Variants in PLA2R1 observed in about 807,000 individuals in gnomAD.
PLA2R1 encodes secretory phospholipase A2 receptor.
Under a neutral mutation model 195.9 loss-of-function variants are expected in PLA2R1, and 158 were observed. The ratio of observed to expected loss-of-function variants is 0.81; its 90% CI spans 0.71 to 0.92. PLA2R1 has a LOEUF of 0.92. Ranked by LOEUF, PLA2R1 falls within the 40% of genes least tolerant of loss-of-function variation. PLA2R1 has a pLI of 0.00. For missense variants in PLA2R1, 1,626 were observed against 1,764.6 expected, an observed-to-expected ratio of 0.92 and a Z score of 1.41; for synonymous variants, 586 against 598.2, an observed-to-expected ratio of 0.98 and a Z score of 0.30.
chr2:160,050,420 A>G (rs10929965), intron 1 of PLA2R1, among the ~76,000 whole-genome samples: 45,965 of 152,116 alleles, frequency 0.3, 8,740 homozygotes, highest in Non-Finnish European at 0.42. Flanking sequence ...TGTAAAGATT[A>G]TTTAACTGAA....
In PLA2R1 at chr2:160,005,607, G is replaced by C. The variant is rs73967981; in HGVS notation, c.1834+45C>G. The C allele has an allele frequency of 6.8e-3, 10,592 of 1,561,244 alleles. 394 individuals are homozygous for C. The African/African-American group carries it at 0.1, about 15-fold the overall frequency. On this transcript the variant is annotated intron_variant, in intron 11 of 29. Transcript: ENST00000283243. ...GGCCAAGGGGTGGAAGGAATTTGGA[G>C]TAAAGAAAACAGGGAGGGTTGGTGA...
chr2:160,062,378 AG>A lies in PLA2R1; in HGVS notation c.25del (p.Leu9CysfsTer51). The A allele has an allele frequency of 6.5e-7, 1 of 1,540,258 alleles. No individual in the cohort carries two copies. Among genetic ancestry groups the A allele is most frequent in the Non-Finnish European group, 8.8e-7 (1 of 1,142,762 alleles). On this transcript the variant is annotated frameshift_variant, in exon 1 of 30. Coordinates refer to ENST00000283243, the MANE Select transcript of PLA2R1 (RefSeq NM_007366.5). LOFTEE classifies it high-confidence loss of function. Reference sequence around the variant, plus strand: ...CCGCGGCGCCCCCAGCAGCAGCAGCAGCAGCAGCGACGGCGACAGCAGCATC... The same window carrying A: ...CCGCGGCGCCCCCAGCAGCAGCAGCACAGCAGCGACGGCGACAGCAGCATC... The part of the protein sequence containing the change: MLLSPSLL[L>X]LLLLGAPRGC...
chr2:159,951,440 G>A lies in PLA2R1; in HGVS notation c.3440C>T (p.Ala1147Val). The change falls in exon 24 of 30, where the codon GCA (alanine) becomes GTA (valine). Residue 1147 changes from alanine (A) to valine (V), a missense_variant. By Grantham distance (64) the Ala-to-Val change is moderately conservative (BLOSUM62 0). Coordinates refer to ENST00000283243, the MANE Select transcript of PLA2R1 (RefSeq NM_007366.5). ...AAIKTCLMHK[A>V]QLVSITDQYH... ...CTGGTCTGTGATGCTGACCAGTTGTGCTTTGTGCATCAGGCAGGTTTTTAT... is the reference window on the plus strand; with the variant it reads ...CTGGTCTGTGATGCTGACCAGTTGTACTTTGTGCATCAGGCAGGTTTTTAT... The A allele has an allele frequency of 6.2e-7, 1 of 1,613,510 alleles. No individual in the cohort carries two copies.
At chr2:159,994,593 C>T (rs1234659124) in intron 11 of PLA2R1, among the ~76,000 whole-genome samples, 15 of 151,698 alleles carry the variant, frequency 9.9e-5, no homozygotes, top group Non-Finnish European at 2.2e-4. Context: ...GGAAATAATG[C>T]TGAAATGTTT....
At chr2:160,003,495 T>C (rs1048103089) in intron 11 of PLA2R1, among the ~76,000 whole-genome samples, 12 of 151,928 alleles carry the variant, frequency 7.9e-5, no homozygotes, top group African/African-American at 2.9e-4. Flanking sequence ...TCAAATTATG[T>C]GACCATGTAG....
rs986365099 is a variant in PLA2R1 at position 159,987,332 on chromosome 2, G to A, written c.1861C>T (p.Arg621Ter). The A allele has an allele frequency of 1.1e-5, 17 of 1,611,446 alleles. No individual in the cohort carries two copies. The highest frequency in any genetic ancestry group is 2.2e-5 in the East Asian group (1 of 44,786). ...CAGCGACCAAGTGGATGCCTTCCTC[G>A]CATGGCAACACAGCCACCACTGTAG... ...PRYSGGCVAM[R>*]GRHPLGRWEV... Residue 621 changes from arginine to a stop codon, truncating the protein, a stop_gained, in exon 12 of 30, where the codon CGA (arginine) becomes TGA (stop). Coordinates refer to ENST00000283243, the MANE Select transcript of PLA2R1 (RefSeq NM_007366.5). LOFTEE classifies it high-confidence loss of function.
rs114284559 is a variant in PLA2R1 at position 160,057,327 on chromosome 2, G to C, written c.109+4968C>G. On this transcript the variant is annotated intron_variant, in intron 1 of 29. Transcript: ENST00000283243. Reference sequence around the variant, plus strand: ...TCCCAGGAGGCCTGGCTGCCCTGAAGAACCTGTCCTGGGTCCCCCTTGAGA... The same window carrying C: ...TCCCAGGAGGCCTGGCTGCCCTGAACAACCTGTCCTGGGTCCCCCTTGAGA... Among the ~76,000 whole-genome samples the C allele has an allele frequency of 4.6e-3, 697 of 152,232 alleles. 4 individuals are homozygous for C. The highest frequency in any genetic ancestry group is 7.5e-3 in the Non-Finnish European group (507 of 68,018).
chr2:159,989,881 A>G (rs1228192144), intron 11 of PLA2R1, among the ~76,000 whole-genome samples: 1 of 152,182 alleles, frequency 6.6e-6, no homozygotes, highest in African/African-American at 2.4e-5. Flanking sequence ...ACTTTCCCAC[A>G]CCAGACAATG....
downstream of PLA2R1, among the ~76,000 whole-genome samples, chr2:159,927,852 G>A (rs1686523610): frequency 6.6e-6 from 1 of 152,176 alleles, no homozygotes; most frequent in African/African-American, 2.4e-5. Context: ...TGGGAATCAT[G>A]AGATTAGTTC....
chr2:160,032,864 GA>G (rs1693942754), intron 4 of PLA2R1, 94 bp downstream of exon 4: 1 of 1,013,754 alleles, frequency 9.9e-7, no homozygotes, highest in Non-Finnish European at 1.5e-6. Context: ...TATTTTTTAA[GA>G]ACTTTTTGTC....
At chr2:159,946,481 T>C in intron 27 of PLA2R1, 4 of 1,021,710 alleles carry the variant, frequency 3.9e-6, no homozygotes, top group Non-Finnish European at 4.7e-6. Flanking sequence ...AAACCTGGGA[T>C]ATTTTCCAGT....
rs143070879 is a variant in PLA2R1, at chr2:160,052,014, C to T, written c.110-6857G>A. ...CTGTCTCAGAACTTTCTTCTCTTTC[C>T]CTGTCCTAGCATTGTCCTTAACTCT... On this transcript the variant is annotated intron_variant, in intron 1 of 29. Transcript: ENST00000283243. Among the ~76,000 whole-genome samples, 11 of 152,308 alleles carry T rather than the reference C, an allele frequency of 7.2e-5. No homozygotes were observed. The East Asian group carries it at 2.1e-3, about 29-fold the overall frequency.
intron 19 of PLA2R1, among the ~76,000 whole-genome samples, chr2:159,968,171 C>T (rs1688910412): frequency 1.3e-5 from 2 of 150,962 alleles, no homozygotes; most frequent in African/African-American, 4.9e-5. Context: ...ACCAGACTCA[C>T]ATATAGACAT....
chr2:160,004,841 A>C (rs1455798050), intron 11 of PLA2R1, among the ~76,000 whole-genome samples: 3 of 152,176 alleles, frequency 2.0e-5, no homozygotes, highest in Non-Finnish European at 4.4e-5. Flanking sequence ...GCACAGTTTC[A>C]TGCCTTGGGA....
chr2:159,946,493 A>C, intron 27 of PLA2R1: 1 of 1,032,714 alleles, frequency 9.7e-7, no homozygotes, highest in Non-Finnish European at 1.2e-6. Context: ...TTTTCCAGTA[A>C]ATATGGTTTT....
At chr2:159,981,479 C>T (rs1689952713) in intron 13 of PLA2R1, among the ~76,000 whole-genome samples, 1 of 152,072 alleles carries the variant, frequency 6.6e-6, no homozygotes, top group Non-Finnish European at 1.5e-5. Context: ...AATCTTGGCT[C>T]ACTGCAACCT....
At chr2:160,022,881 A>C in intron 6 of PLA2R1, 22 bp from the exon 7 acceptor site, 1 of 1,502,500 alleles carries the variant, frequency 6.7e-7, no homozygotes, top group Non-Finnish European at 9.1e-7. Context: ...AACAAAAAAC[A>C]ATGTCATTTT....
intron 1 of PLA2R1, among the ~76,000 whole-genome samples, chr2:160,049,580 C>G (rs1199429680): frequency 2.0e-5 from 3 of 152,118 alleles, no homozygotes; most frequent in Non-Finnish European, 4.4e-5. Flanking sequence ...AAAATAAGCC[C>G]TTAATGGTGG....
intron 12 of PLA2R1, 116 bp from the exon 13 acceptor site, chr2:159,984,189 T>G (rs1574733185): frequency 3.8e-6 from 2 of 527,858 alleles, no homozygotes; most frequent in East Asian, 2.9e-5. Context: ...TATAAAGAGC[T>G]TGATCTAGTG....
Sources: gnomAD v4.1 joint callset for allele counts (sites outside exome capture counted in the v4.1 genomes callset) on GRCh38, gnomAD v4.1.1 for gene constraint, MANE v1.5 for transcripts, NCBI Gene and HGNC (gene_info 2026-07-23, HGNC 2026-07-21) for gene names.